Variants in TOP3B observed in about 807,000 individuals in gnomAD.
The protein encoded by TOP3B is DNA topoisomerase III beta, also known as DNA topoisomerase 3-beta-1.
In TOP3B, 45 loss-of-function variants were observed where a neutral mutation model predicts 93.9. The observed-to-expected ratio is 0.48, with a 90% CI of 0.38 to 0.61. TOP3B has a LOEUF of 0.61. Ranked by LOEUF, TOP3B falls within the 20% of genes least tolerant of loss-of-function variation. TOP3B has a pLI of 0.00. For synonymous variants in TOP3B, 357 were observed against 472.6 expected, an observed-to-expected ratio of 0.76 and a Z score of 3.17; for missense variants, 750 against 1,156.1, an observed-to-expected ratio of 0.65 and a Z score of 5.09.
At chr22:21,960,159 G>A in intron 14 of TOP3B, 162 bp downstream of exon 14, 1 of 1,093,952 alleles carries the variant, frequency 9.1e-7, no homozygotes, top group Non-Finnish European at 1.3e-6. Context: ...CAGGTCCTGG[G>A]GGTCCTGGGG....
chr22:21,960,394 G>A lies in TOP3B; in HGVS notation c.1581C>T (p.Val527=), dbSNP rs1468886877. 6.2e-7 allele frequency: 1 copy of A among 1,613,772 alleles called. No homozygotes were observed. The highest frequency in any genetic ancestry group is 8.5e-7 in the Non-Finnish European group (1 of 1,179,992). Residue 527 remains valine, a synonymous_variant, in exon 14 of 18, where the codon GTC becomes GTT. Coordinates refer to ENST00000357179, the MANE Select transcript of TOP3B (RefSeq NM_001282112.2). ...TGAGCCGGCGCCCGCTCTCCACCGT[G>A]ACATAGTTGCGCTGGCAGATGTTGT... is the stretch of plus-strand genomic sequence containing the variant. ...HINNICQRNY[V]TVESGRRLKP... is the part of the protein sequence containing the mutation.
intron 4 of TOP3B, chr22:21,972,298 A>C: frequency 2.2e-6 from 1 of 461,974 alleles, no homozygotes; most frequent in Non-Finnish European, 3.8e-6. Context: ...CTTTCTACTT[A>C]TCTGCACTTT....
rs547875222 is a variant in TOP3B, at chr22:21,979,575, C to A, written c.-99+3155G>T. Among the ~76,000 whole-genome samples, 67 of 152,208 alleles carry A rather than the reference C, an allele frequency of 4.4e-4. 1 individual carries two copies. Among genetic ancestry groups the A allele is most frequent in the Admixed American group, 2.4e-3 (37 of 15,292 alleles). ...AACCACATCACTGGGGAGTTCTCTG[C>A]AGCATTATCAATCATGATAAAAGGT... On this transcript the variant is annotated intron_variant, in intron 1 of 17. Transcript: ENST00000357179.
In TOP3B at chr22:21,964,144, G is replaced by A. The variant is rs371493183; in HGVS notation, c.1098+17C>T. On this transcript the variant is annotated intron_variant, in intron 10 of 17. Coordinates refer to ENST00000357179, the MANE Select transcript of TOP3B (RefSeq NM_001282112.2). ...AGTGACACACACACATGCTGAGGCC[G>A]GCCCGGCTCCACTCACCGTGTCGGC... 15 of 1,613,766 alleles carry A rather than the reference G, an allele frequency of 9.3e-6. No homozygotes were observed. Among genetic ancestry groups the A allele is most frequent in the Middle Eastern group, 3.3e-4 (2 of 6,084 alleles).
rs149132609 is a variant in TOP3B, at chr22:21,964,858, C to T, written c.943+427G>A. ...TGCCCTCTGAGGACGCTGGAGCCAC[C>T]ACTCAGTGTCCACTGAGAGGACACT... is the stretch of plus-strand genomic sequence containing the variant. On this transcript the variant is annotated intron_variant, in intron 9 of 17. Transcript: ENST00000357179. 1,241 of 174,854 alleles carry T rather than the reference C, an allele frequency of 7.1e-3. 24 individuals carry two copies. The highest frequency in any genetic ancestry group is 0.028 in the African/African-American group (1,175 of 42,356). The allele number at this position is 174,854 out of a possible 1,614,324, so 10.8% of individuals were successfully genotyped here.
In TOP3B at chr22:21,962,739, G is replaced by A. The variant is rs1283331657; in HGVS notation, c.1351+8C>T. On this transcript the variant is annotated splice_region_variant and intron_variant, in intron 12 of 17. Coordinates refer to ENST00000357179, the MANE Select transcript of TOP3B (RefSeq NM_001282112.2). ...CACAGAGGAGGAAGGCTGGGCCCGT[G>A]GTGTGACCTGGTGAGAGGACGGTCT... 4 of 1,614,118 alleles carry A rather than the reference G, an allele frequency of 2.5e-6. No homozygotes were observed. The highest frequency in any genetic ancestry group is 1.1e-5 in the South Asian group (1 of 91,086).
At chr22:21,972,131 T>C (rs1237518275) in intron 4 of TOP3B, 180 bp from the exon 5 acceptor site, 7 of 571,382 alleles carry the variant, frequency 1.2e-5, no homozygotes, top group African/African-American at 3.8e-5. Context: ...CAGAAAAGAA[T>C]TGAGTTTATA....
rs753366316 is a variant in TOP3B, at chr22:21,975,702, G to A, written c.8C>T (p.Thr3Ile). Residue 3 changes from threonine to isoleucine, a missense_variant, in exon 2 of 18, where the codon ACT becomes ATT. By Grantham distance (89) the Thr-to-Ile change is moderately conservative. Coordinates refer to ENST00000357179, the MANE Select transcript of TOP3B (RefSeq NM_001282112.2). MK[T>I]VLMVAEKPSL... ...CGGCTTTTCAGCAACCATGAGCACA[G>A]TCTTCATTTTGTCTCGGTCCTTCAC... is the stretch of plus-strand genomic sequence containing the variant. 6.2e-7 allele frequency: 1 copy of A among 1,610,458 alleles called. No individual in the cohort carries two copies. The highest frequency in any genetic ancestry group is 8.5e-7 in the Non-Finnish European group (1 of 1,177,538).
At chr22:21,978,398 A>G (rs2071970479) in intron 1 of TOP3B, among the ~76,000 whole-genome samples, 1 of 152,148 alleles carries the variant, frequency 6.6e-6, no homozygotes, top group Non-Finnish European at 1.5e-5. Flanking sequence ...GATTAACACA[A>G]TGAGACCTCA....
At chr22:21,968,480 A>G in intron 7 of TOP3B, 139 bp downstream of exon 7, 1 of 1,086,806 alleles carries the variant, frequency 9.2e-7, no homozygotes, top group South Asian at 1.6e-5. Flanking sequence ...AGCCCTAGGC[A>G]CCACAGACCA....
At position 21,970,559 on chromosome 22, in the gene TOP3B, C is replaced by T. The variant is rs1333935056; in HGVS notation, c.385-153G>A. On this transcript the variant is annotated intron_variant, in intron 5 of 17. Coordinates refer to ENST00000357179, the MANE Select transcript of TOP3B (RefSeq NM_001282112.2). This position sits in a 1 kb window ranked among gnomAD's most constrained non-coding sequence, Gnocchi z 4.4. ...AGACCCTCCTCTATCCCCTTTCCTG[C>T]ACCTGCCAGACCCTCCTCTATCCCC... 2 of 760,954 alleles carry T rather than the reference C, an allele frequency of 2.6e-6. No homozygotes were observed. The highest frequency in any genetic ancestry group is 4.2e-6 in the Non-Finnish European group (2 of 479,064). 47.1% of individuals were successfully genotyped at this position (760,954 alleles called of 1,614,324 possible).
At position 21,963,947 on chromosome 22, in the gene TOP3B, T is replaced by C; in HGVS notation, c.1180A>G (p.Lys394Glu). The C allele has an allele frequency of 6.2e-7, 1 of 1,613,626 alleles. No homozygotes were observed. The highest frequency in any genetic ancestry group is 1.7e-5 in the Admixed American group (1 of 59,976). ...AGDHPPITPM[K>E]SATEAELGGD... ...CCTAATTCGGCCTCTGTGGCAGACTTCATGGGGGTGATGGGGGGATGGTCG... is the reference window on the plus strand; with the variant it reads ...CCTAATTCGGCCTCTGTGGCAGACTCCATGGGGGTGATGGGGGGATGGTCG... Residue 394 changes from lysine (K) to glutamate (E), a missense_variant, in exon 11 of 18, where the codon AAG becomes GAG. Physicochemically the swap from Lys to Glu is moderately conservative, Grantham distance 56 (BLOSUM62 1). This residue lies in a region of TOP3B where 737 missense variants were observed against 933.7 expected (regional missense o/e 0.79). Coordinates refer to ENST00000357179, the MANE Select transcript of TOP3B (RefSeq NM_001282112.2). This position sits in a 1 kb window ranked among gnomAD's most constrained non-coding sequence, Gnocchi z 4.8.
intron 15 of TOP3B, 118 bp from the exon 16 acceptor site, chr22:21,959,350 C>G (rs2071067183): frequency 6.6e-7 from 1 of 1,523,396 alleles, no homozygotes; most frequent in East Asian, 2.3e-5. Flanking sequence ...TTTCTACTGT[C>G]CTGGCAGCAC....
intron 13 of TOP3B, chr22:21,962,142 A>C: frequency 7.3e-7 from 1 of 1,363,212 alleles, no homozygotes; most frequent in South Asian, 1.5e-5. Flanking sequence ...CATCTGGGCC[A>C]ATCTTCAGCC....
chr22:21,968,062 G>A (rs995007592), intron 7 of TOP3B: 16 of 318,908 alleles, frequency 5.0e-5, no homozygotes, highest in South Asian at 6.6e-5. Flanking sequence ...CCCAAGCCCC[G>A]TGTCAGCCAC....
chr22:21,964,053 G>A, intron 10 of TOP3B, 25 bp from the exon 11 acceptor site: 1 of 1,601,660 alleles, frequency 6.2e-7, no homozygotes, highest in Non-Finnish European at 8.5e-7. Context: ...ACAGAGCAGA[G>A]TCTGTGGCTG....
intron 4 of TOP3B, 65 bp downstream of exon 4, chr22:21,972,545 CAA>C: frequency 7.9e-7 from 1 of 1,269,922 alleles, no homozygotes; most frequent in South Asian, 1.4e-5. Context: ...CAAGGGTGGG[CAA>C]AGACATGGCA....
At position 21,975,694 on chromosome 22, in the gene TOP3B, T is replaced by G. The variant is rs1217129084; in HGVS notation, c.16A>C (p.Met6Leu). 2 of 1,611,828 alleles carry G rather than the reference T, an allele frequency of 1.2e-6. No homozygotes were observed. Among genetic ancestry groups the G allele is most frequent in the Non-Finnish European group, 1.7e-6 (2 of 1,178,482 alleles). MKTVL[M>L]VAEKPSLAQS... ...GCCAAGGACGGCTTTTCAGCAACCA[T>G]GAGCACAGTCTTCATTTTGTCTCGG... Residue 6 changes from methionine (M) to leucine (L), a missense_variant, in exon 2 of 18, where the codon ATG becomes CTG. By Grantham distance (15) the Met-to-Leu change is conservative. This residue lies in a region of TOP3B where 737 missense variants were observed against 933.7 expected (regional missense o/e 0.79). Transcript: ENST00000357179.
In TOP3B at chr22:21,974,248, T is replaced by C. The variant is rs6000378; in HGVS notation, c.202+109A>G. On this transcript the variant is annotated intron_variant, in intron 3 of 17. Coordinates refer to ENST00000357179, the MANE Select transcript of TOP3B (RefSeq NM_001282112.2). ...CATGATCTGCTGGCCTTATGACTCATGGAGTTGGGACAAACTTCCCTGCCT... is the reference window on the plus strand; with the variant it reads ...CATGATCTGCTGGCCTTATGACTCACGGAGTTGGGACAAACTTCCCTGCCT... 8,025 of 1,384,780 alleles carry C rather than the reference T, an allele frequency of 5.8e-3. 398 individuals are homozygous for C. In the African/African-American group the frequency reaches 0.1, roughly 18 times the overall value. The allele number at this position is 1,384,780 out of a possible 1,614,324, so 85.8% of individuals were successfully genotyped here. A position where few individuals can be genotyped will look rare whatever the true frequency, so the allele number is the denominator to read the frequency against.
Sources: gnomAD v4.1 joint callset for allele counts (sites outside exome capture counted in the v4.1 genomes callset) on GRCh38, gnomAD v4.1.1 for gene constraint, gnomAD v4.1.1 regional missense constraint, Gnocchi (gnomAD v3.1) non-coding constraint, MANE v1.5 for transcripts, NCBI Gene and HGNC (gene_info 2026-07-23, HGNC 2026-07-21) for gene names.